FSTL3: variants seen among roughly 807,000 people sequenced by gnomAD.
FSTL3 encodes follistatin-related protein 3.
FSTL3 carries 21 observed loss-of-function variants against 28.1 expected under a neutral mutation model. That is an observed-to-expected ratio of 0.75 (90% CI 0.53 to 1.08). FSTL3 has a LOEUF of 1.08. FSTL3 is among the 50% of genes least tolerant of loss of function. FSTL3 has a pLI of 0.00. For synonymous variants in FSTL3, 199 were observed against 164.2 expected (o/e 1.21, Z -1.62); for missense variants, 400 against 380.9 (o/e 1.05, Z -0.42).
At chr19:678,277 T>C (rs1249179660) in intron 2 of FSTL3, among the ~76,000 whole-genome samples, 1 of 152,174 alleles carries the variant, frequency 6.6e-6, no homozygotes, top group Non-Finnish European at 1.5e-5. Context: ...ACCTAGCTCC[T>C]GGGAAGGTGG....
chr19:677,607 G>A (rs910676010), intron 1 of FSTL3, among the ~76,000 whole-genome samples, 185 bp from the exon 2 acceptor site: 1 of 152,048 alleles, frequency 6.6e-6, no homozygotes, highest in African/African-American at 2.4e-5. Flanking sequence ...TCAGAGGGGA[G>A]GAGACATTTC....
In FSTL3 at chr19:680,083, G is replaced by A. The variant is rs1327885349; in HGVS notation, c.290-191G>A. 1.4e-5 allele frequency: 4 copies of A among 282,120 alleles called. No individual in the cohort carries two copies. In the East Asian group the frequency reaches 2.5e-4, roughly 17 times the overall value. The allele number at this position is 282,120 out of a possible 1,614,324, so 17.5% of individuals were successfully genotyped here. A position where few individuals can be genotyped will look rare whatever the true frequency, so the allele number is the denominator to read the frequency against. On this transcript the variant is annotated intron_variant, in intron 2 of 4. Transcript: ENST00000166139. ...CGCAGCGCGGACCTCGGCCCCACCGGTCCCGCGCCCGGACCCTGAGCCCTG... is the reference window on the plus strand; with the variant it reads ...CGCAGCGCGGACCTCGGCCCCACCGATCCCGCGCCCGGACCCTGAGCCCTG...
intron 2 of FSTL3, 195 bp from the exon 3 acceptor site, chr19:680,078 CA>C (rs1440135116): frequency 3.3e-6 from 1 of 302,114 alleles, no homozygotes; most frequent in African/African-American, 2.3e-5. Flanking sequence ...ACCTCGGCCC[CA>C]CCGGTCCCGC....
chr19:679,985 C>G (rs1051698214), intron 2 of FSTL3: 1 of 221,628 alleles, frequency 4.5e-6, no homozygotes, highest in African/African-American at 2.4e-5. Context: ...CCGCTGGACC[C>G]CGATTCCGGG....
chr19:678,515 TTTTTTTTTTTC>T lies in FSTL3; in HGVS notation c.289+539_289+549del, dbSNP rs1307022415. ...AGGATGATGGTTTTTTTTTTTTTTT[TTTTTTTTTTTC>T]CTGAGATGGAGCCTCGCTCTGTCAC... On this transcript the variant is annotated intron_variant, in intron 2 of 4. Coordinates refer to ENST00000166139, the MANE Select transcript of FSTL3 (RefSeq NM_005860.3). Among the ~76,000 whole-genome samples the T allele has an allele frequency of 1.2e-3, 147 of 122,512 alleles. 1 individual carries two copies. The highest frequency in any genetic ancestry group is 3.9e-3 in the African/African-American group (117 of 30,050). The allele number at this position is 122,512 out of a possible 152,430, so 80.4% of individuals were successfully genotyped here.
chr19:678,513 T>TG (rs1245487644), intron 2 of FSTL3, among the ~76,000 whole-genome samples: 11 of 124,320 alleles, frequency 8.8e-5, no homozygotes, highest in Non-Finnish European at 1.5e-4. Flanking sequence ...TTTTTTTTTT[T>TG]TTTTTTTTTT....
chr19:680,884 G>T, intron 3 of FSTL3: 1 of 240,662 alleles, frequency 4.2e-6, no homozygotes, highest in Non-Finnish European at 8.1e-6. Flanking sequence ...CAAGAGGTAT[G>T]TGGCATGGTC....
intron 3 of FSTL3, chr19:680,993 T>C: frequency 2.9e-6 from 1 of 350,108 alleles, no homozygotes; most frequent in South Asian, 3.6e-5. Flanking sequence ...GGCGGGGCTC[T>C]TGGCTGGGGC....
At position 681,546 on chromosome 19, in the gene FSTL3, C is replaced by G; in HGVS notation, c.719C>G (p.Ala240Gly). 1 of 1,607,240 alleles carries G rather than the reference C, an allele frequency of 6.2e-7. No homozygotes were observed. The change falls in exon 4 of 5, where the codon GCG becomes GGG. Residue 240 changes from alanine (A) to glycine (G), a missense_variant. Coordinates refer to ENST00000166139, the MANE Select transcript of FSTL3 (RefSeq NM_005860.3). ...GGCCGCTCCATCGGCGTGCGCCACG[C>G]GGGCAGCTGCGCAGGTGCAGACGCA... ...FLGRSIGVRH[A>G]GSCAGTPEEP...
chr19:681,426 G>A lies in FSTL3; in HGVS notation c.599G>A (p.Cys200Tyr), dbSNP rs748595174. 3 of 1,597,706 alleles carry A rather than the reference G, an allele frequency of 1.9e-6. No individual in the cohort carries two copies. The highest frequency in any genetic ancestry group is 2.5e-6 in the Non-Finnish European group (3 of 1,179,038). Reference sequence around the variant, plus strand: ...TGCGTGGTGTGTCGAGCGGCGCCCTGCCCTGTGCCCTCCAGCCCCGGCCAG... The same window carrying A: ...TGCGTGGTGTGTCGAGCGGCGCCCTACCCTGTGCCCTCCAGCCCCGGCCAG... Reference protein sequence around the residue: ...AHCVVCRAAPCPVPSSPGQEL... With the variant: ...AHCVVCRAAPYPVPSSPGQEL... Residue 200 changes from cysteine to tyrosine, a missense_variant, in exon 4 of 5, where the codon TGC becomes TAC. Physicochemically the swap from Cys to Tyr is radical, Grantham distance 194. Transcript: ENST00000166139.
intron 2 of FSTL3, among the ~76,000 whole-genome samples, chr19:679,470 C>T (rs1458203607): frequency 6.6e-6 from 1 of 152,218 alleles, no homozygotes; most frequent in Non-Finnish European, 1.5e-5. Context: ...TACCAGACCC[C>T]CAGATAACAG....
chr19:677,562 T>A (rs1404021971), intron 1 of FSTL3, among the ~76,000 whole-genome samples: 1 of 115,018 alleles, frequency 8.7e-6, no homozygotes, highest in Non-Finnish European at 1.9e-5. Flanking sequence ...TGGGTGGGGG[T>A]TGGTGGTGAG....
rs1160256356 is a variant in FSTL3, at chr19:677,935, C to G, written c.247C>G (p.Leu83Val). The G allele has an allele frequency of 6.2e-7, 1 of 1,613,480 alleles. No individual in the cohort carries two copies. Among genetic ancestry groups the G allele is most frequent in the Non-Finnish European group, 8.5e-7 (1 of 1,180,010 alleles). The part of the protein sequence containing the change: ...NLTHPGNKIN[L>V]LGFLGLVHCL... ...CACCCACCCGGGGAACAAGATCAAC[C>G]TCCTCGGCTTCTTGGGCCTTGTCCA... Residue 83 changes from leucine (L) to valine (V), a missense_variant, in exon 2 of 5, where the codon CTC becomes GTC. Physicochemically the swap from Leu to Val is conservative, Grantham distance 32. Transcript: ENST00000166139.
Position 676,521 on chromosome 19 carries a change from C to A in FSTL3, c.98C>A (p.Ala33Glu). 8.9e-7 allele frequency: 1 copy of A among 1,128,108 alleles called. No homozygotes were observed. Among genetic ancestry groups the A allele is most frequent in the Non-Finnish European group, 1.1e-6 (1 of 910,560 alleles). 69.9% of individuals were successfully genotyped at this position (1,128,108 alleles called of 1,614,324 possible). A position where few individuals can be genotyped will look rare whatever the true frequency, so the allele number is the denominator to read the frequency against. ...AGCTCCATGGGCTCGGGGAACCCCG[C>A]GCCCGGTGAGTGGGGCGGCCAGAGG... ...FVSSMGSGNP[A>E]PGGVCWLQQG... The change falls in exon 1 of 5, where the codon GCG (alanine) becomes GAG (glutamate). Residue 33 changes from alanine (A) to glutamate (E), a missense_variant. Transcript: ENST00000166139.
chr19:678,510 TTTTTTTTTTTTTTTTC>T (rs918827778), intron 2 of FSTL3, among the ~76,000 whole-genome samples: 5 of 121,658 alleles, frequency 4.1e-5, no homozygotes, highest in African/African-American at 1.8e-4. Flanking sequence ...TTTTTTTTTT[TTTTTTTTTTTTTTTTC>T]CTGAGATGGA....
chr19:679,868 C>T (rs971719939), intron 2 of FSTL3, among the ~76,000 whole-genome samples: 1 of 152,202 alleles, frequency 6.6e-6, no homozygotes, highest in African/African-American at 2.4e-5. Flanking sequence ...GGGCGGAACA[C>T]CCCAGGCTGA....
In FSTL3 at chr19:680,482, C is replaced by T. The variant is rs958292630; in HGVS notation, c.498C>T (p.Arg166=). The T allele has an allele frequency of 1.6e-6, 2 of 1,248,338 alleles. No homozygotes were observed. Among genetic ancestry groups the T allele is most frequent in the African/African-American group, 1.6e-5 (1 of 64,222 alleles). The allele number at this position is 1,248,338 out of a possible 1,614,324, so 77.3% of individuals were successfully genotyped here. Residue 166 remains arginine (R), a synonymous_variant, in exon 3 of 5, where the codon CGC becomes CGT. Coordinates refer to ENST00000166139, the MANE Select transcript of FSTL3 (RefSeq NM_005860.3). ...ACCTGAGCGTCATGTACCGGGGCCG[C>T]TGCCGCAGTACGTGGGGGCGTGGTC... ...HPDLSVMYRG[R]CRKSCEHVVC...
intron 2 of FSTL3, among the ~76,000 whole-genome samples, chr19:679,118 G>A (rs918313141): frequency 1.3e-4 from 20 of 152,150 alleles, no homozygotes; most frequent in African/African-American, 4.6e-4. Flanking sequence ...TCTGGCTTCT[G>A]GGAGAAGGAC....
At chr19:680,148 A>G (rs1198412112) in intron 2 of FSTL3, 126 bp from the exon 3 acceptor site, 3 of 465,470 alleles carry the variant, frequency 6.4e-6, no homozygotes, top group Non-Finnish European at 1.0e-5. Flanking sequence ...ACTGACCCTG[A>G]CCTGGGACGG....
Sources: gnomAD v4.1 joint callset for allele counts (sites outside exome capture counted in the v4.1 genomes callset) on GRCh38, gnomAD v4.1.1 for gene constraint, MANE v1.5 for transcripts, NCBI Gene and HGNC (gene_info 2026-07-23, HGNC 2026-07-21) for gene names.